KIF26B: variants seen among roughly 807,000 people sequenced by gnomAD.
KIF26B encodes kinesin family member 26B, also known as kinesin-like protein KIF26B.
KIF26B carries 63 observed loss-of-function variants against 151.2 expected under a neutral mutation model. The observed-to-expected ratio is 0.42, with a 90% CI of 0.34 to 0.51. The LOEUF (loss-of-function observed/expected upper bound fraction) is 0.51. Ranked by LOEUF, KIF26B falls within the 20% of genes least tolerant of loss-of-function variation. The pLI, the probability that KIF26B is intolerant of heterozygous loss-of-function variation, is 0.07. For synonymous variants in KIF26B, 1,357 were observed against 1,262.1 expected (o/e 1.08, Z -1.59); for missense variants, 2,813 against 2,913.6 (o/e 0.97, Z 0.79).
Position 245,687,815 on chromosome 1 carries a change from G to C in KIF26B, c.4832G>C (p.Arg1611Pro). Residue 1611 changes from arginine (R) to proline (P), a missense_variant, in exon 12 of 15, where the codon CGG (arginine) becomes CCG (proline). Physicochemically the swap from Arg to Pro is moderately radical, Grantham distance 103. This residue lies in a region of KIF26B where 2,060 missense variants were observed against 2,088.6 expected (regional missense o/e 0.99). Coordinates refer to ENST00000407071, the MANE Select transcript of KIF26B (RefSeq NM_018012.4). This position sits in a 1 kb window ranked among gnomAD's most constrained non-coding sequence, Gnocchi z 4.9. ...AAGTCCAGCCTGGACCAGAAGAACC[G>C]GGCCAGCCCTCAGCACAGTGCCAGC... ...VRKSSLDQKN[R>P]ASPQHSASGS... is the part of the protein sequence containing the mutation. 6.3e-7 allele frequency: 1 copy of C among 1,595,796 alleles called. No homozygotes were observed. Among genetic ancestry groups the C allele is most frequent in the East Asian group, 2.3e-5 (1 of 43,632 alleles).
intron 4 of KIF26B, among the ~76,000 whole-genome samples, chr1:245,499,712 T>C (rs1660582032): frequency 6.6e-6 from 1 of 152,216 alleles, no homozygotes; most frequent in Non-Finnish European, 1.5e-5. Flanking sequence ...AATAGCTCAG[T>C]AGTGCGCATG....
intron 2 of KIF26B, among the ~76,000 whole-genome samples, chr1:245,253,954 C>T (rs183667822): frequency 8.6e-5 from 13 of 151,708 alleles, no homozygotes; most frequent in South Asian, 2.1e-4. Flanking sequence ...GGACTACAGG[C>T]GCCCGCCACC....
rs1267957768 is a variant in KIF26B at position 245,667,196 on chromosome 1, TC to T, written c.2259-17036del. Among the ~76,000 whole-genome samples, 1 of 152,142 alleles carries T rather than the reference TC, an allele frequency of 6.6e-6. No homozygotes were observed. The highest frequency in any genetic ancestry group is 1.5e-5 in the Non-Finnish European group (1 of 68,016). On this transcript the variant is annotated intron_variant, in intron 10 of 14. Coordinates refer to ENST00000407071, the MANE Select transcript of KIF26B (RefSeq NM_018012.4). The surrounding 1 kb of genome is among the most constrained non-coding windows in gnomAD (Gnocchi z 4.3). Reference sequence around the variant, plus strand: ...ATCGTCTACTTTGGTTTTCTTTCTTTCTTTTTTTGAAACACTCTGCCCAGGC... The same window carrying T: ...ATCGTCTACTTTGGTTTTCTTTCTTTTTTTTTTGAAACACTCTGCCCAGGC...
chr1:245,406,067 A>C (rs1674128733), intron 3 of KIF26B, among the ~76,000 whole-genome samples: 1 of 152,144 alleles, frequency 6.6e-6, no homozygotes, highest in African/African-American at 2.4e-5. Flanking sequence ...TAGAGATGTA[A>C]TGGGAATATC....
chr1:245,602,494 T>C lies in KIF26B; in HGVS notation c.1351-83T>C. 1 of 1,034,196 alleles carries C rather than the reference T, an allele frequency of 9.7e-7. No individual in the cohort carries two copies. Among genetic ancestry groups the C allele is most frequent in the Admixed American group, 2.0e-5 (1 of 49,608 alleles). 64.1% of individuals were successfully genotyped at this position (1,034,196 alleles called of 1,614,324 possible). On this transcript the variant is annotated intron_variant, in intron 5 of 14. Coordinates refer to ENST00000407071, the MANE Select transcript of KIF26B (RefSeq NM_018012.4). This position sits in a 1 kb window ranked among gnomAD's most constrained non-coding sequence, Gnocchi z 4.5. ...AAAGTTCAGTGCTGCCATGTGCATG[T>C]ATATCGCAGAGTATACAAGGGTGCT...
intron 2 of KIF26B, among the ~76,000 whole-genome samples, chr1:245,221,433 G>A (rs1669766494): frequency 6.7e-6 from 1 of 148,316 alleles, no homozygotes; most frequent in South Asian, 2.1e-4. Context: ...TTGAGATGGA[G>A]TTTCACTGTT....
intron 2 of KIF26B, chr1:245,214,280 G>A (rs1669599557): frequency 1.3e-5 from 2 of 152,028 alleles, no homozygotes; most frequent in Admixed American, 1.3e-4. Context: ...GGGAGGTTGA[G>A]GTGGAAGGAT....
intron 5 of KIF26B, among the ~76,000 whole-genome samples, chr1:245,558,576 G>T (rs773398639): frequency 6.6e-6 from 1 of 152,210 alleles, no homozygotes; most frequent in Non-Finnish European, 1.5e-5. Flanking sequence ...TCTGTGCAGA[G>T]TTTGTCCTTC....
intron 2 of KIF26B, among the ~76,000 whole-genome samples, chr1:245,219,146 T>C (rs1669709717): frequency 7.6e-6 from 1 of 131,228 alleles, no homozygotes; most frequent in South Asian, 2.6e-4. Flanking sequence ...TTTTTTTTTT[T>C]TTTTTTTTTT....
chr1:245,553,437 T>C (rs1661940657), intron 5 of KIF26B, among the ~76,000 whole-genome samples: 1 of 152,242 alleles, frequency 6.6e-6, no homozygotes, highest in African/African-American at 2.4e-5. Context: ...TGGCGGAGGC[T>C]GAGGCTGGTC....
chr1:245,664,021 C>T (rs1420961417), intron 10 of KIF26B, among the ~76,000 whole-genome samples: 1 of 152,158 alleles, frequency 6.6e-6, no homozygotes, highest in East Asian at 1.9e-4. Flanking sequence ...TTTTTTTGGC[C>T]TGAGGATTCT....
At chr1:245,309,696 T>C (rs920217461) in intron 2 of KIF26B, among the ~76,000 whole-genome samples, 1 of 147,852 alleles carries the variant, frequency 6.8e-6, no homozygotes, top group Non-Finnish European at 1.5e-5. Context: ...CTATATATAG[T>C]GATATATATA....
intron 2 of KIF26B, chr1:245,234,237 C>T (rs1266305169): frequency 6.6e-6 from 1 of 152,102 alleles, no homozygotes; most frequent in East Asian, 1.9e-4. Context: ...AGCCTGTTCC[C>T]AGTGGAGGAA....
At chr1:245,426,855 C>T (rs1428247438) in intron 4 of KIF26B, among the ~76,000 whole-genome samples, 1 of 152,206 alleles carries the variant, frequency 6.6e-6, no homozygotes, top group Non-Finnish European at 1.5e-5. Flanking sequence ...TTGCCGCACT[C>T]TCGCTGAGAA....
At chr1:245,599,635 T>C (rs1419242317) in intron 5 of KIF26B, among the ~76,000 whole-genome samples, 1 of 152,240 alleles carries the variant, frequency 6.6e-6, no homozygotes, top group East Asian at 1.9e-4. Context: ...CAGCTCTGCC[T>C]GGCGTTGCAT....
chr1:245,198,998 T>C (rs1212757727), intron 2 of KIF26B, among the ~76,000 whole-genome samples: 1 of 151,204 alleles, frequency 6.6e-6, no homozygotes, highest in Non-Finnish European at 1.5e-5. Flanking sequence ...GAGGCTGGAG[T>C]CCCAAGCAGG....
chr1:245,582,410 C>A (rs753997935), intron 5 of KIF26B, among the ~76,000 whole-genome samples: 4 of 151,900 alleles, frequency 2.6e-5, no homozygotes, highest in Admixed American at 2.6e-4. Flanking sequence ...CTTACCAGGC[C>A]GTTAATCTAA....
chr1:245,347,841 A>G (rs565639561), intron 2 of KIF26B, among the ~76,000 whole-genome samples: 35 of 152,358 alleles, frequency 2.3e-4, no homozygotes, highest in Admixed American at 4.6e-4. Flanking sequence ...ACGTTCATTC[A>G]TTCTACAAAT....
intron 2 of KIF26B, among the ~76,000 whole-genome samples, chr1:245,198,970 G>A (rs1436909491): frequency 3.3e-5 from 5 of 152,058 alleles, no homozygotes; most frequent in East Asian, 1.9e-4. Flanking sequence ...GAGTGTGGCC[G>A]CTGAGCTGAG....
Sources: allele counts gnomAD v4.1 joint callset (sites outside exome capture counted in the v4.1 genomes callset), GRCh38; gene constraint gnomAD v4.1.1; regional missense constraint gnomAD v4.1.1; non-coding constraint Gnocchi (gnomAD v3.1); transcripts MANE v1.5; gene names NCBI Gene and HGNC (gene_info 2026-07-23, HGNC 2026-07-21).